SAMD12: variants seen among roughly 807,000 people sequenced by gnomAD.
SAMD12 encodes sterile alpha motif domain-containing protein 12.
A neutral mutation model predicts 15.0 loss-of-function variants in SAMD12; 9 were observed. The observed-to-expected ratio is 0.60, with a 90% CI of 0.36 to 1.05. The LOEUF is 1.05. SAMD12 is among the 50% of genes least tolerant of loss of function. SAMD12 has a pLI of 0.01. For synonymous variants in SAMD12, 86 were observed against 90.1 expected (o/e 0.96, Z 0.25); for missense variants, 230 against 234.2 (o/e 0.98, Z 0.12).
At chr8:118,475,272 G>A (rs7817492) in intron 2 of SAMD12, among the ~76,000 whole-genome samples, 3,361 of 151,818 alleles carry the variant, frequency 0.022, 118 homozygotes, top group African/African-American at 0.077. Context: ...AAAGAACCTG[G>A]TACCTCCCTC....
intron 2 of SAMD12, among the ~76,000 whole-genome samples, chr8:118,462,878 G>A (rs1056652195): frequency 6.6e-6 from 1 of 151,940 alleles, no homozygotes; most frequent in Non-Finnish European, 1.5e-5. Flanking sequence ...CGAGACGGGC[G>A]GATCACGAGG....
chr8:118,437,553 G>A (rs777950328), intron 3 of SAMD12, among the ~76,000 whole-genome samples: 1 of 152,022 alleles, frequency 6.6e-6, no homozygotes. Flanking sequence ...TAATTTTCAC[G>A]ACATCTCTCT....
At chr8:118,325,488 A>G (rs1406582069) in intron 4 of SAMD12, among the ~76,000 whole-genome samples, 1 of 152,196 alleles carries the variant, frequency 6.6e-6, no homozygotes, top group Non-Finnish European at 1.5e-5. Flanking sequence ...ATAAAATGTG[A>G]TATTTTGACA....
the SAMD12 span, among the ~76,000 whole-genome samples, chr8:118,140,612 T>C: frequency 2.0e-5 from 3 of 152,080 alleles, no homozygotes; most frequent in Non-Finnish European, 2.9e-5. Context: ...CTGCAATCTG[T>C]ATTGGGGGTA....
chr8:118,214,689 A>G (rs1586350445), intron 4 of SAMD12, among the ~76,000 whole-genome samples: 1 of 152,236 alleles, frequency 6.6e-6, no homozygotes, highest in East Asian at 1.9e-4. Flanking sequence ...AAGTCATTTA[A>G]GTTAACTTAG....
the SAMD12 span, among the ~76,000 whole-genome samples, chr8:118,180,498 T>A: frequency 6.6e-6 from 1 of 152,306 alleles, no homozygotes; most frequent in South Asian, 2.1e-4. Context: ...TGGCTCATTC[T>A]GTCTAGTGGG....
chr8:118,281,026 A>G (rs558166516), intron 4 of SAMD12, among the ~76,000 whole-genome samples: 1 of 152,316 alleles, frequency 6.6e-6, no homozygotes, highest in East Asian at 1.9e-4. Context: ...TTATATTGTT[A>G]AAACTCATTC....
intron 2 of SAMD12, among the ~76,000 whole-genome samples, chr8:118,516,665 C>A (rs1321188811): frequency 6.8e-6 from 1 of 147,002 alleles, no homozygotes; most frequent in Non-Finnish European, 1.5e-5. Context: ...GATGGAGTCT[C>A]ACTCTGTCAC....
chr8:118,297,557 G>A (rs1015125766), intron 4 of SAMD12, among the ~76,000 whole-genome samples: 3 of 152,020 alleles, frequency 2.0e-5, no homozygotes, highest in Non-Finnish European at 2.9e-5. Flanking sequence ...AAAACAATTC[G>A]ACATTATTAG....
At chr8:118,180,417 A>G in the SAMD12 span, among the ~76,000 whole-genome samples, 14 of 152,072 alleles carry the variant, frequency 9.2e-5, no homozygotes, top group Non-Finnish European at 1.6e-4. Context: ...CTTCCCTTCT[A>G]TCTCATTCCT....
intron 2 of SAMD12, among the ~76,000 whole-genome samples, chr8:118,561,951 C>T (rs1485173885): frequency 6.6e-6 from 1 of 151,824 alleles, no homozygotes; most frequent in Non-Finnish European, 1.5e-5. Flanking sequence ...CTATTCAGTC[C>T]ACAAATATAG....
At chr8:118,491,511 T>C (rs950901310) in intron 2 of SAMD12, among the ~76,000 whole-genome samples, 2 of 152,180 alleles carry the variant, frequency 1.3e-5, no homozygotes, top group East Asian at 3.8e-4. Flanking sequence ...GAGTAAAACG[T>C]ATAGATCCTA....
chr8:118,132,389 G>A, the SAMD12 span, among the ~76,000 whole-genome samples: 3 of 152,202 alleles, frequency 2.0e-5, no homozygotes, highest in Admixed American at 1.3e-4. Flanking sequence ...CAACCCCAGA[G>A]TGTTCTTTCA....
chr8:118,275,535 A>C (rs1200865240), intron 4 of SAMD12, among the ~76,000 whole-genome samples: 1 of 152,198 alleles, frequency 6.6e-6, no homozygotes, highest in Non-Finnish European at 1.5e-5. Context: ...CACATGCAAA[A>C]ATCTGCTTTT....
intron 2 of SAMD12, among the ~76,000 whole-genome samples, chr8:118,495,976 A>C (rs1824597927): frequency 6.6e-6 from 1 of 152,210 alleles, no homozygotes; most frequent in African/African-American, 2.4e-5. Flanking sequence ...TCATTAAAAC[A>C]ATAAAATACT....
chr8:118,504,753 A>G (rs1824878792), intron 2 of SAMD12, among the ~76,000 whole-genome samples: 3 of 152,234 alleles, frequency 2.0e-5, no homozygotes, highest in African/African-American at 4.8e-5. Flanking sequence ...CATATAGAAG[A>G]GAAGACAAAG....
chr8:118,245,397 G>A (rs542773012), intron 4 of SAMD12, among the ~76,000 whole-genome samples: 5 of 152,222 alleles, frequency 3.3e-5, no homozygotes, highest in African/African-American at 7.2e-5. Flanking sequence ...TCTGGATGCC[G>A]CAAGGGGAGG....
At chr8:118,446,060 T>C (rs901234850) in intron 2 of SAMD12, among the ~76,000 whole-genome samples, 10 of 152,188 alleles carry the variant, frequency 6.6e-5, no homozygotes, top group African/African-American at 2.2e-4. Flanking sequence ...GAAATCCTTA[T>C]TAACCAATGT....
At chr8:118,577,849 C>T (rs1415434734) in intron 2 of SAMD12, among the ~76,000 whole-genome samples, 1 of 152,014 alleles carries the variant, frequency 6.6e-6, no homozygotes. Context: ...AAATTCAGCA[C>T]CCTAAAAGCG....
Sources: gnomAD v4.1 joint callset for allele counts (sites outside exome capture counted in the v4.1 genomes callset) on GRCh38, gnomAD v4.1.1 for gene constraint, MANE v1.5 for transcripts, NCBI Gene and HGNC (gene_info 2026-07-23, HGNC 2026-07-21) for gene names.